Variants in PLCH1 observed in about 807,000 individuals in gnomAD.
The protein encoded by PLCH1 is phospholipase C eta 1, also known as 1-phosphatidylinositol 4,5-bisphosphate phosphodiesterase eta-1.
Under a neutral mutation model 126.7 loss-of-function variants are expected in PLCH1, and 60 were observed. That is an observed-to-expected ratio of 0.47 (90% CI 0.38 to 0.59). PLCH1 has a LOEUF of 0.59. Among genes scored for constraint, PLCH1 ranks in the 20% least tolerant of loss-of-function variants. The probability of loss-of-function intolerance (pLI) is 0.00; values close to 1 mark genes in which losing one functional copy is unlikely to be tolerated. For synonymous variants in PLCH1, 719 were observed against 734.9 expected (o/e 0.98, Z 0.35); for missense variants, 1,723 against 2,040.0 (o/e 0.84, Z 2.99).
rs1159237377 is a variant in PLCH1 at position 155,485,665 on chromosome 3, T to C, written c.2665A>G (p.Arg889Gly). 3.7e-6 allele frequency: 6 copies of C among 1,606,280 alleles called. No individual in the cohort carries two copies. Among genetic ancestry groups the C allele is most frequent in the Non-Finnish European group, 4.2e-6 (5 of 1,179,886 alleles). Reference protein sequence around the residue: ...GLKGLFNKNPRHSSSENNSHY... With the variant: ...GLKGLFNKNPGHSSSENNSHY... ...GAATTGTTTTCTGAAGAACTGTGCC[T>C]AGGATTCTTATTGAACAGTCCCTTC... is the stretch of plus-strand genomic sequence containing the variant. Residue 889 changes from arginine (R) to glycine (G), a missense_variant, in exon 22 of 23, where the codon AGG becomes GGG. Arg to Gly is a moderately radical substitution (Grantham distance 125, BLOSUM62 -2). This residue lies in a region of PLCH1 where 947 missense variants were observed against 977.1 expected (regional missense o/e 0.97). Coordinates refer to ENST00000460012, the MANE Select transcript of PLCH1 (RefSeq NM_014996.4).
intron 10 of PLCH1, among the ~76,000 whole-genome samples, chr3:155,546,417 T>C (rs1206935231): frequency 6.6e-6 from 1 of 152,190 alleles, no homozygotes; most frequent in Non-Finnish European, 1.5e-5. Flanking sequence ...GAACATTCCA[T>C]GCTCATGGGT....
chr3:155,715,604 CTCTT>C (rs1747443197), intron 1 of PLCH1, among the ~76,000 whole-genome samples: 1 of 146,396 alleles, frequency 6.8e-6, no homozygotes, highest in Non-Finnish European at 1.5e-5. Flanking sequence ...CACATCTGGC[CTCTT>C]TTTTTTTTTT....
In PLCH1 at chr3:155,599,073, G is replaced by A. The variant is rs144551085; in HGVS notation, c.80-2695C>T. On this transcript the variant is annotated intron_variant, in intron 2 of 22. Transcript: ENST00000460012. ...GTAGCCATCTACCTTTTTCAAGCCA[G>A]GAAAAGAGTCCTCACCAGGAAGTGA... Among the ~76,000 whole-genome samples the A allele has an allele frequency of 3.6e-5, 5 of 138,400 alleles. No individual in the cohort carries two copies. In the East Asian group the frequency reaches 1.1e-3, roughly 30 times the overall value. 90.8% of individuals were successfully genotyped at this position (138,400 alleles called of 152,430 possible).
In PLCH1 at chr3:155,457,033, A is replaced by T. The variant is rs576184206; in HGVS notation, c.2938+28323T>A. The T allele has an allele frequency of 2.0e-5, 3 of 152,458 alleles. No homozygotes were observed. In the East Asian group the frequency reaches 5.8e-4, roughly 29 times the overall value. The allele number at this position is 152,458 out of a possible 1,614,324, so 9.4% of individuals were successfully genotyped here. A position where few individuals can be genotyped will look rare whatever the true frequency, so the allele number is the denominator to read the frequency against. ...GGCATCTGATTTGGGAACAGGCGAG[A>T]AGTCCCTGCTGATCCAAACACGGCT... On this transcript the variant is annotated intron_variant, in intron 21 of 21. Transcript: ENST00000494598.
At chr3:155,648,317 TCAC>T (rs956050036) in intron 2 of PLCH1, among the ~76,000 whole-genome samples, 21 of 152,262 alleles carry the variant, frequency 1.4e-4, no homozygotes, top group African/African-American at 5.1e-4. Flanking sequence ...AGAAGAACCA[TCAC>T]CACAAGATGT....
intron 21 of PLCH1, among the ~76,000 whole-genome samples, chr3:155,469,271 A>G (rs1411971957): frequency 1.3e-5 from 2 of 152,208 alleles, no homozygotes; most frequent in Non-Finnish European, 2.9e-5. Flanking sequence ...TGGGAAGCGC[A>G]AGGGGTCAGG....
chr3:155,535,010 C>T (rs1030114415), intron 10 of PLCH1, among the ~76,000 whole-genome samples: 2 of 152,040 alleles, frequency 1.3e-5, no homozygotes, highest in African/African-American at 4.8e-5. Flanking sequence ...AGCAGTATGA[C>T]AACAGACTAA....
Position 155,656,636 on chromosome 3 carries a change from G to A in PLCH1, c.79+47510C>T, listed in dbSNP as rs183413752. On this transcript the variant is annotated intron_variant, in intron 2 of 22. Coordinates refer to ENST00000460012, the MANE Select transcript of PLCH1 (RefSeq NM_014996.4). ...AGCATTCAATAAAATAGAAATTAGC[G>A]GTTATTTCCTTGTGAGTATGTGTGT... 5.3e-5 allele frequency among the ~76,000 whole-genome samples: 8 copies of A among 152,194 alleles called. No homozygotes were observed. In the East Asian group the frequency reaches 9.6e-4, roughly 18 times the overall value.
In PLCH1 at chr3:155,481,972, C is replaced by T. The variant is rs935709391; in HGVS notation, c.4054G>A (p.Val1352Met). 4.3e-6 allele frequency: 7 copies of T among 1,614,060 alleles called. No homozygotes were observed. The highest frequency in any genetic ancestry group is 5.1e-6 in the Non-Finnish European group (6 of 1,180,040). Residue 1352 changes from valine to methionine, a missense_variant, in exon 23 of 23, where the codon GTG becomes ATG. Transcript: ENST00000460012. The surrounding 1 kb of genome is among the most constrained non-coding windows in gnomAD (Gnocchi z 4.2). ...TTTTCTGATTCTCCATCAATTTCCA[C>T]AAGGCTGCTCTCCCCAGAATTGAAA... Reference protein sequence around the residue: ...LCFNSGESSLVEIDGESENLS... With the variant: ...LCFNSGESSLMEIDGESENLS...
intron 2 of PLCH1, among the ~76,000 whole-genome samples, chr3:155,645,659 TC>T (rs1739943361): frequency 6.6e-6 from 1 of 151,916 alleles, no homozygotes; most frequent in Non-Finnish European, 1.5e-5. Flanking sequence ...TTCTTTTTTT[TC>T]AGTAGTGACC....
At chr3:155,557,345 T>C (rs553513863) in intron 8 of PLCH1, among the ~76,000 whole-genome samples, 2 of 152,348 alleles carry the variant, frequency 1.3e-5, no homozygotes, top group Admixed American at 6.5e-5. Context: ...AAGGAACTAA[T>C]AGCTTTTCCA....
intron 10 of PLCH1, among the ~76,000 whole-genome samples, chr3:155,537,822 C>T (rs1392413252): frequency 2.0e-4 from 31 of 152,094 alleles, no homozygotes; most frequent in Non-Finnish European, 1.5e-5. Flanking sequence ...ACTCCACTAA[C>T]AGCACTAGAC....
intron 6 of PLCH1, among the ~76,000 whole-genome samples, chr3:155,574,222 C>G (rs1002666898): frequency 1.3e-5 from 2 of 152,134 alleles, no homozygotes; most frequent in African/African-American, 4.8e-5. Context: ...GCCCCCCTTA[C>G]CTCTTACATA....
At position 155,486,001 on chromosome 3, in the gene PLCH1, T is replaced by C. The variant is rs532359201; in HGVS notation, c.2620-291A>G. ...GGAAAAGTCTCCACAGCTCATAGACTGCTATGAACTTCAGGCGCCTTAAAG... is the reference window on the plus strand; with the variant it reads ...GGAAAAGTCTCCACAGCTCATAGACCGCTATGAACTTCAGGCGCCTTAAAG... On this transcript the variant is annotated intron_variant, in intron 21 of 22. Coordinates refer to ENST00000460012, the MANE Select transcript of PLCH1 (RefSeq NM_014996.4). 5.4e-5 allele frequency: 34 copies of C among 625,860 alleles called. 2 individuals carry two copies. In the East Asian group the frequency reaches 9.3e-4, roughly 17 times the overall value. 38.8% of individuals were successfully genotyped at this position (625,860 alleles called of 1,614,324 possible). A position where few individuals can be genotyped will look rare whatever the true frequency, so the allele number is the denominator to read the frequency against.
At chr3:155,735,402 G>A (rs893700459) in intron 1 of PLCH1, among the ~76,000 whole-genome samples, 2 of 152,188 alleles carry the variant, frequency 1.3e-5, no homozygotes, top group Non-Finnish European at 2.9e-5. Flanking sequence ...GGGAGGCCAA[G>A]GCAGGTGGAT....
intron 2 of PLCH1, among the ~76,000 whole-genome samples, chr3:155,618,326 C>A (rs1306879741): frequency 6.6e-6 from 1 of 152,050 alleles, no homozygotes; most frequent in East Asian, 1.9e-4. Flanking sequence ...ACCCATTTTT[C>A]TGACTAAAGC....
At chr3:155,684,597 A>T (rs914412685) in intron 2 of PLCH1, among the ~76,000 whole-genome samples, 1 of 152,086 alleles carries the variant, frequency 6.6e-6, no homozygotes, top group Non-Finnish European at 1.5e-5. Flanking sequence ...AAAAAAAAAG[A>T]TGACCTTTAG....
At chr3:155,630,173 A>G (rs747055648) in intron 2 of PLCH1, among the ~76,000 whole-genome samples, 3 of 152,234 alleles carry the variant, frequency 2.0e-5, no homozygotes, top group Non-Finnish European at 4.4e-5. Context: ...GGTTCAACAA[A>G]CAGATCTAAA....
downstream of PLCH1, among the ~76,000 whole-genome samples, chr3:155,475,700 T>C (rs1713516714): frequency 6.6e-6 from 1 of 152,014 alleles, no homozygotes; most frequent in Non-Finnish European, 1.5e-5. Flanking sequence ...TGCCAATAAA[T>C]TGGAAAATCT....
Sources: allele counts gnomAD v4.1 joint callset (sites outside exome capture counted in the v4.1 genomes callset), GRCh38; gene constraint gnomAD v4.1.1; regional missense constraint gnomAD v4.1.1; non-coding constraint Gnocchi (gnomAD v3.1); transcripts MANE v1.5; gene names NCBI Gene and HGNC (gene_info 2026-07-23, HGNC 2026-07-21).